Variants in NANOS3 observed in about 807,000 individuals in gnomAD.
NANOS3 encodes the protein nanos C2HC-type zinc finger 3, also known as nanos homolog 3.
NANOS3 carries 11 observed loss-of-function variants against 13.8 expected under a neutral mutation model. That is an observed-to-expected ratio of 0.80 (90% CI 0.50 to 1.32). The LOEUF is 1.32. Among genes scored for constraint, NANOS3 ranks in the 40% most tolerant of loss-of-function variants. The pLI, the probability that NANOS3 is intolerant of heterozygous loss-of-function variation, is 0.00. For missense variants in NANOS3, 221 were observed against 263.8 expected, an observed-to-expected ratio of 0.84 and a Z score of 1.12; for synonymous variants, 119 against 115.4, an observed-to-expected ratio of 1.03 and a Z score of -0.20.
rs1245313177 is a variant in NANOS3 at position 13,880,701 on chromosome 19, C to A, written c.*198C>A. The A allele has an allele frequency of 5.1e-6, 3 of 587,390 alleles. No homozygotes were observed. Among genetic ancestry groups the A allele is most frequent in the Non-Finnish European group, 9.1e-6 (3 of 329,782 alleles). 36.4% of individuals were successfully genotyped at this position (587,390 alleles called of 1,614,324 possible). On this transcript the variant is annotated 3_prime_UTR_variant, in exon 2 of 2. Coordinates refer to ENST00000339133, the MANE Select transcript of NANOS3 (RefSeq NM_001098622.3). ...CACCCTTTGTGCCATCTGCCGTTTC[C>A]CTAGTGCTGGGCATCCAGTCAGCCC...
chr19:13,870,840 A>G (rs975760199), intron 1 of NANOS3, among the ~76,000 whole-genome samples: 2 of 151,584 alleles, frequency 1.3e-5, no homozygotes, highest in African/African-American at 4.9e-5. Context: ...TCGGCCTCCC[A>G]AAGTGCTGGG....
At chr19:13,862,462 G>A (rs1416164927), upstream of NANOS3, among the ~76,000 whole-genome samples, 1 of 152,198 alleles carries the variant, frequency 6.6e-6, no homozygotes, top group Non-Finnish European at 1.5e-5. Context: ...CAGCGAGCAG[G>A]ACAGCTGGCC....
chr19:13,871,724 C>A (rs1203534213), intron 1 of NANOS3, among the ~76,000 whole-genome samples: 1 of 152,200 alleles, frequency 6.6e-6, no homozygotes, highest in East Asian at 1.9e-4. Flanking sequence ...AAGAAAGATT[C>A]CTGTGGGACG....
intron 1 of NANOS3, among the ~76,000 whole-genome samples, chr19:13,870,539 C>T (rs1280760138): frequency 6.8e-6 from 1 of 146,854 alleles, no homozygotes; most frequent in African/African-American, 2.5e-5. Context: ...GGGGTGGGGG[C>T]AAGGCCCTGG....
At chr19:13,879,257 G>C (rs1968580683) in intron 1 of NANOS3, among the ~76,000 whole-genome samples, 1 of 152,132 alleles carries the variant, frequency 6.6e-6, no homozygotes, top group Non-Finnish European at 1.5e-5. Context: ...GGTTTTAAAA[G>C]AGAAACTCGT....
chr19:13,862,548 T>C (rs1976174293), upstream of NANOS3, among the ~76,000 whole-genome samples: 1 of 151,246 alleles, frequency 6.6e-6, no homozygotes, highest in Non-Finnish European at 1.5e-5. Context: ...TTCTTTTTTC[T>C]TTTTTTTTGA....
chr19:13,880,428 T>TC lies in NANOS3; in HGVS notation c.518-9dup. ...GCCTGTGATTAAGCATTTCTCTCCC[T>TC]CCCCCTCCACTAGGTTTCAGAGGTG... On this transcript the variant is annotated splice_polypyrimidine_tract_variant and intron_variant, in intron 1 of 1. Coordinates refer to ENST00000339133, the MANE Select transcript of NANOS3 (RefSeq NM_001098622.3). 6.2e-7 allele frequency: 1 copy of TC among 1,609,106 alleles called. No individual in the cohort carries two copies. The highest frequency in any genetic ancestry group is 8.5e-7 in the Non-Finnish European group (1 of 1,175,916).
At chr19:13,875,816 A>G (rs1335421428), upstream of NANOS3, among the ~76,000 whole-genome samples, 1 of 152,156 alleles carries the variant, frequency 6.6e-6, no homozygotes, top group Non-Finnish European at 1.5e-5. Context: ...AAAATGAGCC[A>G]CAGTGCCTGG....
At position 13,877,170 on chromosome 19, in the gene NANOS3, G is replaced by A. The variant is rs775250722; in HGVS notation, c.-79G>A. The A allele has an allele frequency of 3.5e-5, 43 of 1,211,940 alleles. No individual in the cohort carries two copies. The highest frequency in any genetic ancestry group is 4.9e-5 in the Non-Finnish European group (42 of 850,734). 75.1% of individuals were successfully genotyped at this position (1,211,940 alleles called of 1,614,324 possible). A position where few individuals can be genotyped will look rare whatever the true frequency, so the allele number is the denominator to read the frequency against. ...AGGGGAAGGAAGGGGCAGCAGAGAG[G>A]GGTCAGAAGGAGGGAGCTTAAGCCA... On this transcript the variant is annotated 5_prime_UTR_variant, in exon 1 of 2. Transcript: ENST00000339133.
At chr19:13,879,549 A>T (rs915567622) in intron 1 of NANOS3, among the ~76,000 whole-genome samples, 6 of 152,192 alleles carry the variant, frequency 3.9e-5, no homozygotes, top group African/African-American at 1.4e-4. Context: ...CAGCCAGGGC[A>T]ACATGGTGAA....
At chr19:13,878,073 T>C (rs1968555958) in intron 1 of NANOS3, among the ~76,000 whole-genome samples, 1 of 151,528 alleles carries the variant, frequency 6.6e-6, no homozygotes, top group Non-Finnish European at 1.5e-5. Context: ...CACACCCGGC[T>C]AATTGCCACC....
upstream of NANOS3, chr19:13,862,173 G>A (rs1976168105): frequency 6.6e-6 from 1 of 152,452 alleles, no homozygotes; most frequent in African/African-American, 2.4e-5. Context: ...AAGAAGGAGA[G>A]TTAGACGTAG....
rs572783554 is a variant in NANOS3, at chr19:13,866,518, CACAT to C, written n.21+1085_21+1088del. ...CGCAGTCGAAAGTGATGCTGACACA[CACAT>C]ACAGTCCCCACAATAACACTGCCAC... is the stretch of plus-strand genomic sequence containing the variant. On this transcript the variant is annotated intron_variant and non_coding_transcript_variant, in intron 1 of 2. Coordinates refer to the NANOS3 transcript ENST00000591161. Among the ~76,000 whole-genome samples, 455 of 152,346 alleles carry C rather than the reference CACAT, an allele frequency of 3.0e-3. 5 individuals carry two copies. Among genetic ancestry groups the C allele is most frequent in the Non-Finnish European group, 4.1e-3 (282 of 68,020 alleles).
chr19:13,869,991 G>A (rs75468263), intron 1 of NANOS3, among the ~76,000 whole-genome samples: 4,581 of 151,768 alleles, frequency 0.03, 81 homozygotes, highest in African/African-American at 0.05. Flanking sequence ...CACACGGGCC[G>A]CCAGACACCC....
chr19:13,878,011 C>T (rs984833712), intron 1 of NANOS3, among the ~76,000 whole-genome samples: 4 of 151,906 alleles, frequency 2.6e-5, no homozygotes, highest in South Asian at 2.1e-4. Context: ...TGGATTCAAG[C>T]GATTCTCCTG....
In NANOS3 at chr19:13,877,419, GCCGGGA is replaced by G; in HGVS notation, c.174_179del (p.Gly59_Pro60del). On this transcript the variant is annotated inframe_deletion, in exon 1 of 2. Coordinates refer to ENST00000339133, the MANE Select transcript of NANOS3 (RefSeq NM_001098622.3). ...TGCCAGCGCCGGAGTCGGTGCCAGT[GCCGGGA>G]CCCAAGGATCAGAAGCGCAGCCTGG... The G allele has an allele frequency of 1.2e-6, 2 of 1,612,272 alleles. No individual in the cohort carries two copies. The highest frequency in any genetic ancestry group is 1.7e-6 in the Non-Finnish European group (2 of 1,179,970).
chr19:13,864,892 T>C (rs1273785065), upstream of NANOS3, among the ~76,000 whole-genome samples: 1 of 151,310 alleles, frequency 6.6e-6, no homozygotes, highest in African/African-American at 2.4e-5. Flanking sequence ...CGCCACCCCC[T>C]CCCTTGGGTG....
rs910498283 is a variant in NANOS3 at position 13,877,674 on chromosome 19, C to T, written c.426C>T (p.Thr142=). The T allele has an allele frequency of 2.0e-5, 32 of 1,611,964 alleles. 1 individual carries two copies. Among genetic ancestry groups the T allele is most frequent in the Non-Finnish European group, 2.7e-5 (32 of 1,179,890 alleles). Residue 142 remains threonine, a synonymous_variant, in exon 1 of 2, where the codon ACC becomes ACT. Coordinates refer to ENST00000339133, the MANE Select transcript of NANOS3 (RefSeq NM_001098622.3). The part of the protein sequence containing the change: ...GQGYTSVYSH[T]TRNSAGKKLV... ...GCTACACCTCCGTCTACAGCCACAC[C>T]ACCCGAAACTCGGCAGGCAAGAAGC... is the stretch of plus-strand genomic sequence containing the variant.
upstream of NANOS3, among the ~76,000 whole-genome samples, chr19:13,865,260 G>A (rs1408142730): frequency 7.5e-6 from 1 of 134,154 alleles, no homozygotes; most frequent in East Asian, 2.3e-4. Flanking sequence ...CCACGGGTTC[G>A]AGCCGGCGCC....
Sources: allele counts gnomAD v4.1 joint callset (sites outside exome capture counted in the v4.1 genomes callset), GRCh38; gene constraint gnomAD v4.1.1; transcripts MANE v1.5; gene names NCBI Gene and HGNC (gene_info 2026-07-23, HGNC 2026-07-21).